CLSPN: variants seen among roughly 807,000 people sequenced by gnomAD.
The protein encoded by CLSPN is claspin homolog.
CLSPN carries 85 observed loss-of-function variants against 156.3 expected under a neutral mutation model. The observed-to-expected ratio is 0.54, with a 90% CI of 0.46 to 0.65. The LOEUF (loss-of-function observed/expected upper bound fraction) is 0.65. CLSPN is among the 30% of genes least tolerant of loss of function. The pLI is 0.00. For synonymous variants in CLSPN, 534 were observed against 542.4 expected, an observed-to-expected ratio of 0.98 and a Z score of 0.22; for missense variants, 1,407 against 1,554.9, an observed-to-expected ratio of 0.90 and a Z score of 1.60.
intron 18 of CLSPN, among the ~76,000 whole-genome samples, chr1:35,740,159 A>G (rs757125540): frequency 3.9e-5 from 6 of 152,102 alleles, no homozygotes; most frequent in Non-Finnish European, 7.4e-5. Context: ...CAAACTAGAG[A>G]TGGTGTGGTG....
chr1:35,757,085 T>A (rs1642295938), intron 8 of CLSPN, among the ~76,000 whole-genome samples: 1 of 152,104 alleles, frequency 6.6e-6, no homozygotes, highest in Non-Finnish European at 1.5e-5. Flanking sequence ...AAAAAAGCCC[T>A]CCCTCACCTC....
intron 18 of CLSPN, among the ~76,000 whole-genome samples, chr1:35,742,012 G>A (rs1207990398): frequency 6.8e-6 from 1 of 146,672 alleles, no homozygotes; most frequent in East Asian, 2.0e-4. Flanking sequence ...GCTGGGCCTG[G>A]TGGCTCATGC....
chr1:35,740,589 T>C (rs1184494730), intron 18 of CLSPN, among the ~76,000 whole-genome samples: 1 of 152,070 alleles, frequency 6.6e-6, no homozygotes, highest in East Asian at 1.9e-4. Context: ...TGGCTAATTT[T>C]TGTTTTTTTA....
chr1:35,737,006 T>A lies in CLSPN; in HGVS notation c.3817A>T (p.Asn1273Tyr). 2 of 1,614,118 alleles carry A rather than the reference T, an allele frequency of 1.2e-6. No individual in the cohort carries two copies. The highest frequency in any genetic ancestry group is 1.7e-6 in the Non-Finnish European group (2 of 1,180,000). ...CTTGAATTTCGAGGAGCACTGGGGT[T>A]ATGGTCAGAGAGAGCAGCCAGTTTC... ...LQKLAALSDH[N>Y]PSAPRNSRNF... The change falls in exon 24 of 25, where the codon AAC becomes TAC. Residue 1273 changes from asparagine to tyrosine, a missense_variant. Physicochemically the swap from Asn to Tyr is moderately radical, Grantham distance 143 (BLOSUM62 -2). Transcript: ENST00000318121.
rs1331235865 is a variant in CLSPN at position 35,735,293 on chromosome 1, AT to A, written c.*1202del. On this transcript the variant is annotated 3_prime_UTR_variant, in exon 25 of 25. Transcript: ENST00000318121. ...GACTTGGGTACCAGTTTAAGTCCTT[AT>A]TAAGCAGCAAAAATTAATTCAAAAT... The A allele has an allele frequency of 3.0e-6, 3 of 985,346 alleles. No individual in the cohort carries two copies. The highest frequency in any genetic ancestry group is 1.2e-6 in the Non-Finnish European group (1 of 829,952). The allele number at this position is 985,346 out of a possible 1,614,324, so 61.0% of individuals were successfully genotyped here.
exon 25 of CLSPN, chr1:35,720,243 A>G (rs1405255380): frequency 6.6e-6 from 1 of 152,146 alleles, no homozygotes; most frequent in Non-Finnish European, 1.5e-5. Context: ...TATGATTATG[A>G]TGACTATTTT....
chr1:35,741,505 G>A (rs994631780), intron 18 of CLSPN, among the ~76,000 whole-genome samples: 5 of 151,640 alleles, frequency 3.3e-5, no homozygotes, highest in Admixed American at 6.7e-5. Context: ...TAGTAGAGAC[G>A]GGGTCTCGCC....
chr1:35,766,527 C>CTCTG (rs1339831649), intron 1 of CLSPN, among the ~76,000 whole-genome samples: 14 of 152,128 alleles, frequency 9.2e-5, no homozygotes, highest in Non-Finnish European at 1.3e-4. Context: ...TCACCGCAAC[C>CTCTG]TCTGCCTCCC....
Position 35,760,709 on chromosome 1 carries a change from A to G in CLSPN, c.1212T>C (p.Asn404=). 6.2e-7 allele frequency: 1 copy of G among 1,614,060 alleles called. No individual in the cohort carries two copies. The highest frequency in any genetic ancestry group is 8.5e-7 in the Non-Finnish European group (1 of 1,180,024). The stretch of plus-strand genomic sequence containing the variant: ...GTTTCTCCTGAATTTCTAGCTCTTC[A>G]TTTTTTACCAAATCCTTCCTGCAAG... ...DESCRKDLVK[N]EELEIQEKQK... is the part of the protein sequence containing the mutation. Residue 404 remains asparagine, a synonymous_variant, in exon 8 of 25, where the codon AAT becomes AAC. Transcript: ENST00000318121.
At chr1:35,745,693 C>G in intron 15 of CLSPN, 131 bp from the exon 16 acceptor site, 2 of 644,422 alleles carry the variant, frequency 3.1e-6, no homozygotes, top group South Asian at 3.6e-5. Context: ...ACCATCTATT[C>G]ATTCAACAAA....
intron 18 of CLSPN, among the ~76,000 whole-genome samples, chr1:35,739,824 C>T (rs1571195826): frequency 6.6e-6 from 1 of 152,200 alleles, no homozygotes; most frequent in South Asian, 2.1e-4. Context: ...AGGATATAGT[C>T]CCATTGTAAG....
chr1:35,751,295 T>A lies in CLSPN; in HGVS notation c.1983A>T (p.Glu661Asp), dbSNP rs778972176. 4 of 1,588,856 alleles carry A rather than the reference T, an allele frequency of 2.5e-6. No individual in the cohort carries two copies. In the South Asian group the frequency reaches 4.4e-5, roughly 18 times the overall value. ...EKEEKEEELE[E>D]EEEKEEEEEE... is the part of the protein sequence containing the mutation. ...CCTCCTCCTCTTCTTTCTCCTCCTCTTCCTCTAGTTCTTCCTCTTTCTCTT... is the reference window on the plus strand; with the variant it reads ...CCTCCTCCTCTTCTTTCTCCTCCTCATCCTCTAGTTCTTCCTCTTTCTCTT... The change falls in exon 10 of 25, where the codon GAA becomes GAT. Residue 661 changes from glutamate (E) to aspartate (D), a missense_variant. Around this residue, in one of 3 missense-constraint regions of CLSPN, gnomAD observed 1,096 missense variants for 1,193.0 expected, o/e 0.92. Transcript: ENST00000318121.
chr1:35,732,442 G>A lies in CLSPN; in HGVS notation c.*4054C>T. On this transcript the variant is annotated 3_prime_UTR_variant, in exon 25 of 25. Transcript: ENST00000318121. ...AGAAGCAGTTGAGAAAATGAGGGAT[G>A]CCACAGAGATCTGAGTACCTTGTCT... 3.0e-6 allele frequency: 3 copies of A among 985,412 alleles called. No individual in the cohort carries two copies. The highest frequency in any genetic ancestry group is 3.6e-6 in the Non-Finnish European group (3 of 829,920). 61.0% of individuals were successfully genotyped at this position (985,412 alleles called of 1,614,324 possible).
In CLSPN at chr1:35,732,336, G is replaced by C. The variant is rs2148609436; in HGVS notation, c.*4160C>G. ...ACAAGAGTGATTAGACATAACCCTA[G>C]GAGATAAAAACCAAAAACACCCCCT... On this transcript the variant is annotated 3_prime_UTR_variant, in exon 25 of 25. Coordinates refer to ENST00000318121, the MANE Select transcript of CLSPN (RefSeq NM_022111.4). The C allele has an allele frequency of 3.0e-6, 3 of 985,328 alleles. No individual in the cohort carries two copies. In the African/African-American group the frequency reaches 5.2e-5, roughly 17 times the overall value. 61.0% of individuals were successfully genotyped at this position (985,328 alleles called of 1,614,324 possible). A position where few individuals can be genotyped will look rare whatever the true frequency, so the allele number is the denominator to read the frequency against.
chr1:35,747,291 C>T (rs759512473), intron 14 of CLSPN, among the ~76,000 whole-genome samples: 6 of 151,644 alleles, frequency 4.0e-5, no homozygotes, highest in Non-Finnish European at 8.8e-5. Flanking sequence ...CACTGCACTC[C>T]AGCCTGGGCG....
chr1:35,730,590 A>G, downstream of CLSPN, among the ~76,000 whole-genome samples: 1 of 150,336 alleles, frequency 6.7e-6, no homozygotes, highest in Admixed American at 6.6e-5. Context: ...AAAAAAAAAA[A>G]AGAACAAGAA....
chr1:35,725,508 C>T (rs1383209577), intron 24 of CLSPN, among the ~76,000 whole-genome samples: 1 of 151,982 alleles, frequency 6.6e-6, no homozygotes, highest in Non-Finnish European at 1.5e-5. Context: ...CTCCATAATC[C>T]CCATGCCCTC....
At chr1:35,721,051 G>A in intron 24 of CLSPN, 1 of 1,078,398 alleles carries the variant, frequency 9.3e-7, no homozygotes, top group East Asian at 2.5e-5. Context: ...TAATGTTGCA[G>A]ACCCTGTTTC....
At chr1:35,759,953 C>G (rs1026068667) in intron 8 of CLSPN, among the ~76,000 whole-genome samples, 1 of 151,724 alleles carries the variant, frequency 6.6e-6, no homozygotes, top group African/African-American at 2.4e-5. Flanking sequence ...CCTGCCCCAG[C>G]CTCCCGAGTA....
Sources: allele counts gnomAD v4.1 joint callset (sites outside exome capture counted in the v4.1 genomes callset), GRCh38; gene constraint gnomAD v4.1.1; regional missense constraint gnomAD v4.1.1; transcripts MANE v1.5; gene names NCBI Gene and HGNC (gene_info 2026-07-23, HGNC 2026-07-21).